ASTN2: variants seen among roughly 807,000 people sequenced by gnomAD.
The protein encoded by ASTN2 is astrotactin-2.
A neutral mutation model predicts 139.8 loss-of-function variants in ASTN2; 54 were observed. The observed-to-expected ratio is 0.39, with a 90% CI of 0.31 to 0.48. The LOEUF is 0.48. ASTN2 is among the 20% of genes least tolerant of loss of function. ASTN2 has a pLI of 0.95. For synonymous variants in ASTN2, 756 were observed against 719.5 expected (o/e 1.05, Z -0.81); for missense variants, 1,565 against 1,725.1 (o/e 0.91, Z 1.64).
In ASTN2 at chr9:116,425,022, C is replaced by G. The variant is rs140529093; in HGVS notation, c.*829G>C. On this transcript the variant is annotated 3_prime_UTR_variant, in exon 23 of 23. Coordinates refer to ENST00000313400, the MANE Select transcript of ASTN2 (RefSeq NM_001365068.1). Reference sequence around the variant, plus strand: ...ATGCTCTAACAGTGAGTGCAAAGAACCTCCATTCTTCCTCTAGCACAGCTT... The same window carrying G: ...ATGCTCTAACAGTGAGTGCAAAGAAGCTCCATTCTTCCTCTAGCACAGCTT... Among the ~76,000 whole-genome samples the G allele has an allele frequency of 2.6e-5, 4 of 152,254 alleles. No homozygotes were observed. Among genetic ancestry groups the G allele is most frequent in the South Asian group, 2.1e-4 (1 of 4,816 alleles).
intron 19 of ASTN2, among the ~76,000 whole-genome samples, chr9:116,597,808 A>C (rs1392161389): frequency 6.6e-6 from 1 of 152,132 alleles, no homozygotes; most frequent in Non-Finnish European, 1.5e-5. Context: ...TGTGATTCTA[A>C]GAAGCCTTTG....
At chr9:117,021,126 T>A (rs1564388355) in intron 6 of ASTN2, among the ~76,000 whole-genome samples, 1 of 152,098 alleles carries the variant, frequency 6.6e-6, no homozygotes, top group Non-Finnish European at 1.5e-5. Flanking sequence ...CAGGTTGGTC[T>A]TGAACACCTG....
At chr9:116,439,410 C>T (rs565319316) in intron 22 of ASTN2, among the ~76,000 whole-genome samples, 8 of 139,512 alleles carry the variant, frequency 5.7e-5, no homozygotes, top group East Asian at 5.6e-4. Context: ...CCGTTTTAGC[C>T]GGGATGGTCT....
chr9:116,592,512 C>T (rs1230786649), intron 19 of ASTN2, among the ~76,000 whole-genome samples: 1 of 152,166 alleles, frequency 6.6e-6, no homozygotes, highest in Non-Finnish European at 1.5e-5. Context: ...GTGGGGATTA[C>T]AATTTTACAT....
At chr9:116,456,331 A>T (rs1848331734) in intron 20 of ASTN2, among the ~76,000 whole-genome samples, 1 of 152,198 alleles carries the variant, frequency 6.6e-6, no homozygotes. Context: ...AAAATATAAA[A>T]CATTGAGTCA....
chr9:117,077,695 C>G (rs1487137893), intron 5 of ASTN2, among the ~76,000 whole-genome samples: 1 of 152,126 alleles, frequency 6.6e-6, no homozygotes, highest in East Asian at 1.9e-4. Context: ...CTGCAGTGAG[C>G]TAAGATAGTG....
chr9:117,048,354 TTCTC>T (rs1480591405), intron 5 of ASTN2, among the ~76,000 whole-genome samples: 1 of 152,138 alleles, frequency 6.6e-6, no homozygotes, highest in Non-Finnish European at 1.5e-5. Flanking sequence ...CGCTCCTCCT[TTCTC>T]AGCCCCAGAA....
At position 116,601,126 on chromosome 9, in the gene ASTN2, G is replaced by A. The variant is rs1854875498; in HGVS notation, c.3355+17198C>T. ...TGCTAAAAGTTCATGTAGTCAACAA[G>A]AGGGCCAAATCTAATCTAAGGATTC... On this transcript the variant is annotated intron_variant, in intron 19 of 22. Coordinates refer to ENST00000313400, the MANE Select transcript of ASTN2 (RefSeq NM_001365068.1). 1.3e-5 allele frequency among the ~76,000 whole-genome samples: 2 copies of A among 152,188 alleles called. 1 individual carries two copies. Among genetic ancestry groups the A allele is most frequent in the South Asian group, 4.1e-4 (2 of 4,828 alleles).
intron 6 of ASTN2, among the ~76,000 whole-genome samples, chr9:117,035,744 A>C (rs1838366722): frequency 1.3e-5 from 2 of 152,162 alleles, no homozygotes; most frequent in Non-Finnish European, 2.9e-5. Flanking sequence ...ATTACCAGAC[A>C]GCCATCCACC....
intron 20 of ASTN2, among the ~76,000 whole-genome samples, chr9:116,471,675 G>A (rs1848818810): frequency 6.6e-6 from 1 of 152,172 alleles, no homozygotes; most frequent in African/African-American, 2.4e-5. Flanking sequence ...AGGACAGCAG[G>A]AAATTCTTAG....
intron 19 of ASTN2, among the ~76,000 whole-genome samples, chr9:116,499,122 C>G (rs764516892): frequency 5.3e-5 from 8 of 152,298 alleles, no homozygotes; most frequent in Non-Finnish European, 1.2e-4. Flanking sequence ...CACCAGAGAA[C>G]TCTTGATTTT....
chr9:116,929,377 A>G (rs1834840272), intron 10 of ASTN2, among the ~76,000 whole-genome samples: 1 of 152,170 alleles, frequency 6.6e-6, no homozygotes, highest in South Asian at 2.1e-4. Context: ...CCTTTGGTAT[A>G]GATTATTTGC....
At chr9:116,963,779 T>C (rs73655562) in intron 10 of ASTN2, among the ~76,000 whole-genome samples, 6,144 of 152,242 alleles carry the variant, frequency 0.04, 401 homozygotes, top group African/African-American at 0.13. Flanking sequence ...GCTTTTGTAG[T>C]TGGCTTCTCA....
intron 19 of ASTN2, among the ~76,000 whole-genome samples, chr9:116,513,790 A>C (rs997927621): frequency 9.2e-5 from 14 of 151,976 alleles, no homozygotes; most frequent in Non-Finnish European, 2.1e-4. Context: ...AGCTGATCAA[A>C]TCGGCTACTG....
chr9:117,348,112 G>A (rs1336671398), intron 1 of ASTN2, among the ~76,000 whole-genome samples: 1 of 152,124 alleles, frequency 6.6e-6, no homozygotes. Context: ...AAGCATGAAG[G>A]TAGGTAACTG....
At chr9:116,757,195 A>G (rs893931957) in intron 13 of ASTN2, among the ~76,000 whole-genome samples, 2 of 152,150 alleles carry the variant, frequency 1.3e-5, no homozygotes, top group Middle Eastern at 3.2e-3. Flanking sequence ...AGAATGTGGC[A>G]ACACACCTAA....
intron 13 of ASTN2, among the ~76,000 whole-genome samples, chr9:116,794,029 A>G (rs769347705): frequency 6.6e-6 from 1 of 152,128 alleles, no homozygotes; most frequent in Non-Finnish European, 1.5e-5. Context: ...TGAGCCACAC[A>G]TCAAATACAC....
intron 5 of ASTN2, among the ~76,000 whole-genome samples, chr9:117,061,870 G>A (rs1839304949): frequency 6.6e-6 from 1 of 152,142 alleles, no homozygotes; most frequent in Non-Finnish European, 1.5e-5. Context: ...AGGAAGAGAG[G>A]AGGGAAGGAA....
At chr9:116,786,214 CAAGT>C (rs1255997874) in intron 13 of ASTN2, among the ~76,000 whole-genome samples, 11 of 152,260 alleles carry the variant, frequency 7.2e-5, no homozygotes, top group African/African-American at 2.6e-4. Flanking sequence ...GTCACCTTGT[CAAGT>C]AAGTCTTCCA....
Sources: gnomAD v4.1 joint callset for allele counts (sites outside exome capture counted in the v4.1 genomes callset) on GRCh38, gnomAD v4.1.1 for gene constraint, MANE v1.5 for transcripts, NCBI Gene and HGNC (gene_info 2026-07-23, HGNC 2026-07-21) for gene names.